Variants in MAF observed in about 807,000 individuals in gnomAD.
MAF encodes MAF bZIP transcription factor.
A neutral mutation model predicts 22.0 loss-of-function variants in MAF; 10 were observed. That is an observed-to-expected ratio of 0.45 (90% CI 0.28 to 0.77). The LOEUF (loss-of-function observed/expected upper bound fraction) is 0.77. MAF is among the 30% of genes least tolerant of loss of function. MAF has a pLI of 0.12. For synonymous variants in MAF, 337 were observed against 255.8 expected (o/e 1.32, Z -3.03); for missense variants, 544 against 548.4 (o/e 0.99, Z 0.08).
chr16:79,545,889 A>C, the MAF span, among the ~76,000 whole-genome samples: 7 of 152,180 alleles, frequency 4.6e-5, no homozygotes, highest in African/African-American at 1.7e-4. Context: ...AGTAGATTTT[A>C]AGTGTTTTCA....
At chr16:79,437,595 C>G in the MAF span, among the ~76,000 whole-genome samples, 1 of 152,058 alleles carries the variant, frequency 6.6e-6, no homozygotes, top group African/African-American at 2.4e-5. Flanking sequence ...GGCCTGTGTG[C>G]CCCCTCATTT....
the MAF span, among the ~76,000 whole-genome samples, chr16:79,255,924 A>T: frequency 3.4e-5 from 5 of 145,996 alleles, no homozygotes; most frequent in Middle Eastern, 7.3e-3. Context: ...GAAAGCTATT[A>T]TTGTTAGCTA....
the MAF span, among the ~76,000 whole-genome samples, chr16:79,551,699 AG>A: frequency 6.6e-6 from 1 of 152,220 alleles, no homozygotes; most frequent in Non-Finnish European, 1.5e-5. Context: ...TGAAGTCAAA[AG>A]AATAGTATTT....
chr16:79,240,557 T>TA, the MAF span, among the ~76,000 whole-genome samples: 11 of 81,888 alleles, frequency 1.3e-4, no homozygotes, highest in South Asian at 9.3e-4. Flanking sequence ...GGCTTATTGA[T>TA]AAAAAACCCC....
At chr16:79,464,741 G>A in the MAF span, among the ~76,000 whole-genome samples, 7 of 152,304 alleles carry the variant, frequency 4.6e-5, 1 homozygote, top group Admixed American at 1.3e-4. Flanking sequence ...AGGTTTCTGA[G>A]AGGGTCAAGG....
At chr16:79,220,279 A>AAAATT in the MAF span, among the ~76,000 whole-genome samples, 1 of 149,184 alleles carries the variant, frequency 6.7e-6, no homozygotes, top group Admixed American at 6.6e-5. Flanking sequence ...AAAAAAGTTA[A>AAAATT]AGTTAAAATG....
chr16:79,220,355 C>T, the MAF span, among the ~76,000 whole-genome samples: 5 of 151,862 alleles, frequency 3.3e-5, no homozygotes, highest in African/African-American at 7.2e-5. Context: ...TCCCACCACT[C>T]AAAAGAACCA....
the MAF span, among the ~76,000 whole-genome samples, chr16:79,255,870 T>C: frequency 6.6e-6 from 1 of 152,124 alleles, no homozygotes; most frequent in Admixed American, 6.5e-5. Context: ...GCAATGTTTG[T>C]CAAGTCCTTT....
At chr16:79,487,707 C>T in the MAF span, among the ~76,000 whole-genome samples, 1 of 152,160 alleles carries the variant, frequency 6.6e-6, no homozygotes, top group African/African-American at 2.4e-5. Flanking sequence ...GAAAAGATGG[C>T]TCACTGTCCA....
At chr16:79,504,730 T>C in the MAF span, among the ~76,000 whole-genome samples, 2 of 152,170 alleles carry the variant, frequency 1.3e-5, no homozygotes, top group Non-Finnish European at 2.9e-5. Flanking sequence ...GGATATAAAA[T>C]GAAACTATGT....
At chr16:79,597,809 T>TTA in intron 1 of MAF, 1 of 1,021,816 alleles carries the variant, frequency 9.8e-7, no homozygotes. Context: ...GCTTTTTTTT[T>TTA]TTATTAATAT....
chr16:79,426,343 C>G, the MAF span, among the ~76,000 whole-genome samples: 1 of 152,314 alleles, frequency 6.6e-6, no homozygotes, highest in East Asian at 1.9e-4. Context: ...AATACCTTAG[C>G]TATATTGGGT....
At chr16:79,314,403 C>A in the MAF span, among the ~76,000 whole-genome samples, 1 of 152,176 alleles carries the variant, frequency 6.6e-6, no homozygotes. Flanking sequence ...ATAACATTTA[C>A]ATGGAAGTCT....
At chr16:79,247,734 G>C in the MAF span, among the ~76,000 whole-genome samples, 4 of 151,924 alleles carry the variant, frequency 2.6e-5, no homozygotes, top group African/African-American at 7.3e-5. Context: ...AAATAAAAGT[G>C]GTTTTTTTTG....
the MAF span, among the ~76,000 whole-genome samples, chr16:79,431,707 G>A: frequency 2.2e-4 from 33 of 152,184 alleles, no homozygotes; most frequent in African/African-American, 5.1e-4. Context: ...TAAACCTCCC[G>A]TGATTTCATT....
At chr16:79,462,587 A>T in the MAF span, among the ~76,000 whole-genome samples, 11 of 152,240 alleles carry the variant, frequency 7.2e-5, no homozygotes, top group African/African-American at 2.4e-4. Flanking sequence ...ATGCACACAC[A>T]CACAAATACA....
At chr16:79,416,408 C>G in the MAF span, among the ~76,000 whole-genome samples, 3 of 151,550 alleles carry the variant, frequency 2.0e-5, no homozygotes, top group African/African-American at 7.3e-5. Flanking sequence ...CTCTTACAAA[C>G]TCTTCGAAAT....
the MAF span, among the ~76,000 whole-genome samples, chr16:79,405,117 G>A: frequency 1.3e-5 from 2 of 152,134 alleles, no homozygotes; most frequent in Non-Finnish European, 2.9e-5. Context: ...CCCATATGCA[G>A]CAGTATGGCA....
the MAF span, among the ~76,000 whole-genome samples, chr16:79,233,931 G>A: frequency 1.3e-5 from 2 of 151,512 alleles, no homozygotes; most frequent in African/African-American, 4.8e-5. Context: ...GGCGGAGGTT[G>A]CGGTGAGCCG....
Sources: gnomAD v4.1 joint callset for allele counts (sites outside exome capture counted in the v4.1 genomes callset) on GRCh38, gnomAD v4.1.1 for gene constraint, MANE v1.5 for transcripts, NCBI Gene and HGNC (gene_info 2026-07-23, HGNC 2026-07-21) for gene names.